TDO2: variants seen among roughly 807,000 people sequenced by gnomAD.
TDO2 encodes the protein tryptamin 2,3-dioxygenase.
A neutral mutation model predicts 61.2 loss-of-function variants in TDO2; 63 were observed. That is an observed-to-expected ratio of 1.03 (90% CI 0.84 to 1.27). TDO2 has a LOEUF of 1.27. Among genes scored for constraint, TDO2 ranks in the 50% most tolerant of loss-of-function variants. TDO2 has a pLI of 0.00. For synonymous variants in TDO2, 183 were observed against 164.0 expected, an observed-to-expected ratio of 1.12 and a Z score of -0.89; for missense variants, 494 against 469.5, an observed-to-expected ratio of 1.05 and a Z score of -0.48.
At chr4:155,912,878 T>C (rs1003821418) in intron 7 of TDO2, among the ~76,000 whole-genome samples, 3 of 152,152 alleles carry the variant, frequency 2.0e-5, no homozygotes, top group African/African-American at 7.2e-5. Flanking sequence ...TCCACTCTTG[T>C]ACCAACATTG....
intron 10 of TDO2, 106 bp from the exon 11 acceptor site, chr4:155,918,043 C>A: frequency 1.8e-6 from 2 of 1,121,228 alleles, no homozygotes; most frequent in South Asian, 1.5e-5. Context: ...TGTTAGTTGT[C>A]AACATTTTCT....
At position 155,904,021 on chromosome 4, in the gene TDO2, T is replaced by A. The variant is rs766640851; in HGVS notation, c.39T>A (p.Tyr13Ter). 1 of 1,613,426 alleles carries A rather than the reference T, an allele frequency of 6.2e-7. No homozygotes were observed. Among genetic ancestry groups the A allele is most frequent in the Non-Finnish European group, 8.5e-7 (1 of 1,179,604 alleles). ...GCPFLGNNFG[Y>*]TFKKLPVEGS... ...TCTTGATTTATTAAATTTGCAGATA[T>A]ACTTTTAAAAAACTCCCCGTAGAAG... The change falls in exon 2 of 12, where the codon TAT becomes TAA. Residue 13 changes from tyrosine to a stop codon, truncating the protein, a stop_gained. Coordinates refer to ENST00000536354, the MANE Select transcript of TDO2 (RefSeq NM_005651.4). LOFTEE classifies it high-confidence loss of function.
intron 7 of TDO2, 83 bp downstream of exon 7, chr4:155,911,687 AC>A: frequency 1.0e-6 from 1 of 984,404 alleles, no homozygotes; most frequent in Non-Finnish European, 1.4e-6. Context: ...TTTTCTCTTA[AC>A]CTTTTCTCTT....
At chr4:155,905,296 C>A in intron 3 of TDO2, 139 bp downstream of exon 3, 1 of 705,064 alleles carries the variant, frequency 1.4e-6, no homozygotes, top group Non-Finnish European at 2.4e-6. Context: ...TATTTTGCTG[C>A]CAGATGAATT....
chr4:155,906,998 AG>A (rs1742729917), intron 3 of TDO2: 1 of 152,200 alleles, frequency 6.6e-6, no homozygotes, highest in African/African-American at 2.4e-5. Context: ...CCGTAGTAAA[AG>A]GGGAGAACAA....
intron 9 of TDO2, among the ~76,000 whole-genome samples, chr4:155,916,537 C>A (rs920060251): frequency 6.6e-6 from 1 of 151,820 alleles, no homozygotes; most frequent in Non-Finnish European, 1.5e-5. Flanking sequence ...TATCATTAAA[C>A]AATGCTCTAA....
Position 155,916,679 on chromosome 4 carries a change from C to T in TDO2, c.897-716C>T, listed in dbSNP as rs1266914659. On this transcript the variant is annotated intron_variant, in intron 9 of 11. Coordinates refer to ENST00000536354, the MANE Select transcript of TDO2 (RefSeq NM_005651.4). ...GTTTGAAGTATTCCTGAAATATTGACTCACTCCTACTCTATTGTATGAAGG... is the reference window on the plus strand; with the variant it reads ...GTTTGAAGTATTCCTGAAATATTGATTCACTCCTACTCTATTGTATGAAGG... Among the ~76,000 whole-genome samples the T allele has an allele frequency of 3.3e-5, 5 of 152,082 alleles. No individual in the cohort carries two copies. In the East Asian group the frequency reaches 9.6e-4, roughly 29 times the overall value.
At chr4:155,909,872 TCC>T (rs1742786619) in intron 5 of TDO2, among the ~76,000 whole-genome samples, 151 bp from the exon 6 acceptor site, 1 of 35,298 alleles carries the variant, frequency 2.8e-5, no homozygotes, top group Non-Finnish European at 6.3e-5. Flanking sequence ...TCCTCTGGAC[TCC>T]TCTCCCCTCC....
At chr4:155,919,623 T>A (rs1370204201) in intron 11 of TDO2, among the ~76,000 whole-genome samples, 1 of 152,152 alleles carries the variant, frequency 6.6e-6, no homozygotes, top group Non-Finnish European at 1.5e-5. Context: ...AATACTGTTT[T>A]ATGGGCATAA....
At position 155,919,925 on chromosome 4, in the gene TDO2, C is replaced by CACA; in HGVS notation, c.1158_1160dup (p.His386_Lys387insAsn). ...GATACCGAAGATGAACCCAACCATT[C>CACA]ACAAATTTCTATATACAGCAGAATA... On this transcript the variant is annotated inframe_insertion, in exon 12 of 12. Coordinates refer to ENST00000536354, the MANE Select transcript of TDO2 (RefSeq NM_005651.4). The CACA allele has an allele frequency of 6.2e-7, 1 of 1,613,702 alleles. No individual in the cohort carries two copies. The highest frequency in any genetic ancestry group is 8.5e-7 in the Non-Finnish European group (1 of 1,179,770).
In TDO2 at chr4:155,917,437, T is replaced by C. The variant is rs1386721916; in HGVS notation, c.939T>C (p.Ser313=). Residue 313 remains serine, a synonymous_variant, in exon 10 of 12, where the codon TCT becomes TCC. Coordinates refer to ENST00000536354, the MANE Select transcript of TDO2 (RefSeq NM_005651.4). ...RFQVPFQLLT[S]LMDIDSLMTK... The stretch of plus-strand genomic sequence containing the variant: ...AGGTGCCTTTTCAGTTGCTGACTTC[T>C]CTTATGGACATAGATTCACTGATGA... 1 of 1,611,722 alleles carries C rather than the reference T, an allele frequency of 6.2e-7. No individual in the cohort carries two copies. The highest frequency in any genetic ancestry group is 1.7e-5 in the Admixed American group (1 of 59,486).
chr4:155,906,306 AC>A (rs1451237374), intron 3 of TDO2: 2 of 152,210 alleles, frequency 1.3e-5, no homozygotes, highest in Non-Finnish European at 2.9e-5. Context: ...TTTAGTTATA[AC>A]ATGTAGGCAG....
At chr4:155,916,995 CAA>C (rs549116374) in intron 9 of TDO2, among the ~76,000 whole-genome samples, 1 of 151,154 alleles carries the variant, frequency 6.6e-6, no homozygotes, top group African/African-American at 2.4e-5. Flanking sequence ...AAAAACAAAA[CAA>C]AAAAACAAAT....
At chr4:155,904,435 G>GTT (rs1742681577) in intron 2 of TDO2, among the ~76,000 whole-genome samples, 2 of 152,180 alleles carry the variant, frequency 1.3e-5, no homozygotes, top group South Asian at 4.2e-4. Flanking sequence ...ATAAGACATG[G>GTT]TTAATAAATG....
chr4:155,917,416 G>A lies in TDO2; in HGVS notation c.918G>A (p.Val306=), dbSNP rs144382797. The change falls in exon 10 of 12, where the codon GTG becomes GTA. Residue 306 remains valine (V), a synonymous_variant. Transcript: ENST00000536354. ...YFYREEPRFQ[V]PFQLLTSLMD... The stretch of plus-strand genomic sequence containing the variant: ...TTAGGGAAGAGCCTAGGTTCCAGGT[G>A]CCTTTTCAGTTGCTGACTTCTCTTA... 7,566 of 1,610,398 alleles carry A rather than the reference G, an allele frequency of 4.7e-3. 27 individuals are homozygous for A. Among genetic ancestry groups the A allele is most frequent in the Non-Finnish European group, 5.4e-3 (6,404 of 1,178,570 alleles).
intron 4 of TDO2, 110 bp downstream of exon 4, chr4:155,907,902 G>A (rs1457750393): frequency 1.3e-6 from 1 of 758,496 alleles, no homozygotes; most frequent in East Asian, 2.7e-5. Context: ...AACTTTTAAT[G>A]ATAGAACAAA....
At chr4:155,917,783 G>A (rs763766664) in intron 10 of TDO2, among the ~76,000 whole-genome samples, 1 of 151,964 alleles carries the variant, frequency 6.6e-6, no homozygotes, top group Non-Finnish European at 1.5e-5. Context: ...TAATTTATTT[G>A]CCATTATGCC....
In TDO2 at chr4:155,912,231, T is replaced by A. The variant is rs542583601; in HGVS notation, c.726+627T>A. 1.3e-4 allele frequency among the ~76,000 whole-genome samples: 20 copies of A among 152,262 alleles called. No homozygotes were observed. In the South Asian group the frequency reaches 4.1e-3, roughly 32 times the overall value. On this transcript the variant is annotated intron_variant, in intron 7 of 11. Transcript: ENST00000536354. Reference sequence around the variant, plus strand: ...GTGACAGAGAACAAGTGACTGCACCTCTCTTAGCCTATCTTTCAGCATTGG... The same window carrying A: ...GTGACAGAGAACAAGTGACTGCACCACTCTTAGCCTATCTTTCAGCATTGG...
intron 9 of TDO2, among the ~76,000 whole-genome samples, chr4:155,916,908 T>C (rs111440758): frequency 0.01 from 1,543 of 152,258 alleles, 26 homozygotes; most frequent in African/African-American, 0.035. Flanking sequence ...TAGGCATATG[T>C]GTCCTAACTA....
Sources: gnomAD v4.1 joint callset for allele counts (sites outside exome capture counted in the v4.1 genomes callset) on GRCh38, gnomAD v4.1.1 for gene constraint, MANE v1.5 for transcripts, NCBI Gene and HGNC (gene_info 2026-07-23, HGNC 2026-07-21) for gene names.